COBL: variants seen among roughly 807,000 people sequenced by gnomAD.
COBL encodes the protein protein cordon-bleu.
Under a neutral mutation model 98.8 loss-of-function variants are expected in COBL, and 51 were observed. That is an observed-to-expected ratio of 0.52 (90% CI 0.41 to 0.65). COBL has a LOEUF of 0.65. Ranked by LOEUF, COBL falls within the 30% of genes least tolerant of loss-of-function variation. COBL has a pLI of 0.00. For missense variants in COBL, 1,617 were observed against 1,617.5 expected (o/e 1.00, Z 0.01); for synonymous variants, 634 against 651.7 (o/e 0.97, Z 0.41).
At chr7:51,272,093 G>C (rs1386472039) in intron 1 of COBL, among the ~76,000 whole-genome samples, 2 of 152,122 alleles carry the variant, frequency 1.3e-5, no homozygotes, top group East Asian at 3.9e-4. Flanking sequence ...TCTATCAAAA[G>C]ATTGCTCAAT....
At chr7:51,107,027 T>TC (rs775217130) in intron 6 of COBL, among the ~76,000 whole-genome samples, 16 of 151,192 alleles carry the variant, frequency 1.1e-4, no homozygotes, top group Non-Finnish European at 1.8e-4. Context: ...AATAATTAAA[T>TC]CAAGCAAGCT....
intron 7 of COBL, among the ~76,000 whole-genome samples, chr7:51,083,477 G>GT (rs1359040746): frequency 6.6e-6 from 1 of 152,206 alleles, no homozygotes; most frequent in African/African-American, 2.4e-5. Context: ...TTGGAAAGAT[G>GT]TGCCTGGTTG....
intron 6 of COBL, among the ~76,000 whole-genome samples, chr7:51,099,947 T>C (rs1467255579): frequency 6.6e-6 from 1 of 152,194 alleles, no homozygotes; most frequent in Non-Finnish European, 1.5e-5. Flanking sequence ...TGATGTGGTG[T>C]TCTAGTCTTT....
chr7:51,261,686 G>GC (rs1243313794), intron 1 of COBL, among the ~76,000 whole-genome samples: 8 of 152,106 alleles, frequency 5.3e-5, no homozygotes, highest in African/African-American at 1.7e-4. Context: ...AGCCCGAGGG[G>GC]CCAGGCGCGG....
intron 7 of COBL, chr7:51,065,108 G>A (rs1166298161): frequency 1.5e-6 from 1 of 687,842 alleles, no homozygotes; most frequent in Admixed American, 2.0e-5. Flanking sequence ...ATTCTAACAA[G>A]CACACAGAGG....
intron 6 of COBL, among the ~76,000 whole-genome samples, chr7:51,099,144 A>G (rs1023595995): frequency 6.6e-6 from 1 of 152,144 alleles, no homozygotes; most frequent in Non-Finnish European, 1.5e-5. Flanking sequence ...CGGAGAAATT[A>G]GAATTCTTAT....
In COBL at chr7:51,028,627, A is replaced by G; in HGVS notation, c.2469T>C (p.His823=). 5 of 1,613,480 alleles carry G rather than the reference A, an allele frequency of 3.1e-6. No homozygotes were observed. The highest frequency in any genetic ancestry group is 4.2e-6 in the Non-Finnish European group (5 of 1,179,678). Residue 823 remains histidine (H), a synonymous_variant, in exon 10 of 13, where the codon CAT becomes CAC. Coordinates refer to ENST00000265136, the MANE Select transcript of COBL (RefSeq NM_015198.5). ...PISPQQKSAH[H]EGRNPLGEGR... ...CCTCCCCTAGGGGGTTCCGGCCCTC[A>G]TGGTGGGCAGACTTCTGCTGGGGCG...
chr7:51,151,477 T>C (rs1295346514), intron 5 of COBL, among the ~76,000 whole-genome samples: 1 of 152,152 alleles, frequency 6.6e-6, no homozygotes, highest in Non-Finnish European at 1.5e-5. Context: ...CCATAAGATA[T>C]TAACAAGTGA....
At chr7:51,083,304 A>C in intron 7 of COBL, 44 of 1,130,472 alleles carry the variant, frequency 3.9e-5, no homozygotes, top group Non-Finnish European at 5.1e-5. Context: ...ATCCAACCTC[A>C]CTGGGCACCA....
At chr7:51,254,602 T>TG (rs1433803428) in intron 1 of COBL, among the ~76,000 whole-genome samples, 1 of 152,142 alleles carries the variant, frequency 6.6e-6, no homozygotes. Flanking sequence ...GAGGTACAGG[T>TG]GGACCCCCAA....
chr7:51,316,399 C>A, intron 1 of COBL, 194 bp downstream of exon 1: 1 of 372,604 alleles, frequency 2.7e-6, no homozygotes, highest in East Asian at 4.8e-5. Flanking sequence ...ACCCGGGTGC[C>A]CAAAGTACAC....
At chr7:51,239,670 T>C (rs10247490) in intron 1 of COBL, among the ~76,000 whole-genome samples, 7,338 of 152,282 alleles carry the variant, frequency 0.048, 578 homozygotes, top group African/African-American at 0.16. Flanking sequence ...AAGAACCTTT[T>C]CTTGGGGTTT....
At position 51,314,145 on chromosome 7, in the gene COBL, T is replaced by C. The variant is rs544880694; in HGVS notation, c.41+2448A>G. ...GTGAGTTTACATTCACCAACCTATCTCCCTTCAGTAATCTTCTAGAAGAGC... is the reference window on the plus strand; with the variant it reads ...GTGAGTTTACATTCACCAACCTATCCCCCTTCAGTAATCTTCTAGAAGAGC... On this transcript the variant is annotated intron_variant, in intron 1 of 12. Transcript: ENST00000265136. 1.3e-3 allele frequency among the ~76,000 whole-genome samples: 204 copies of C among 152,332 alleles called. 4 individuals are homozygous for C. The highest frequency in any genetic ancestry group is 5.3e-4 in the Non-Finnish European group (36 of 68,034).
intron 1 of COBL, among the ~76,000 whole-genome samples, chr7:51,289,696 A>G (rs1800708847): frequency 6.6e-6 from 1 of 152,268 alleles, no homozygotes; most frequent in Non-Finnish European, 1.5e-5. Flanking sequence ...AAGCCACAGA[A>G]TGGAAGTGAA....
intron 2 of COBL, among the ~76,000 whole-genome samples, chr7:51,215,226 C>A (rs1344673450): frequency 6.6e-6 from 1 of 152,210 alleles, no homozygotes. Context: ...AATGTGTCCA[C>A]CTTTTGTGAA....
At chr7:51,192,830 C>T (rs1376515520) in intron 3 of COBL, among the ~76,000 whole-genome samples, 1 of 152,014 alleles carries the variant, frequency 6.6e-6, no homozygotes, top group East Asian at 1.9e-4. Flanking sequence ...CTTCCTGAGT[C>T]AGGAAGAATT....
intron 1 of COBL, among the ~76,000 whole-genome samples, chr7:51,278,525 C>A (rs1295227962): frequency 6.6e-6 from 1 of 152,020 alleles, no homozygotes; most frequent in South Asian, 2.1e-4. Context: ...GGATTACAGG[C>A]GTGTGCCACC....
chr7:51,285,036 C>T (rs1800209052), intron 1 of COBL, among the ~76,000 whole-genome samples: 1 of 151,422 alleles, frequency 6.6e-6, no homozygotes, highest in Non-Finnish European at 1.5e-5. Flanking sequence ...CAACCTCTAC[C>T]TCCTGGTTTT....
chr7:51,023,623 C>A (rs1413500879), intron 12 of COBL, among the ~76,000 whole-genome samples: 1 of 152,242 alleles, frequency 6.6e-6, no homozygotes, highest in Non-Finnish European at 1.5e-5. Flanking sequence ...TGGGTGTCCA[C>A]AGGGACTCAT....
Sources: allele counts gnomAD v4.1 joint callset (sites outside exome capture counted in the v4.1 genomes callset), GRCh38; gene constraint gnomAD v4.1.1; transcripts MANE v1.5; gene names NCBI Gene and HGNC (gene_info 2026-07-23, HGNC 2026-07-21).